CCDC192: variants seen among roughly 807,000 people sequenced by gnomAD.
CCDC192 encodes coiled-coil domain containing 192, also known as coiled-coil domain-containing protein 192.
intron 6 of CCDC192, among the ~76,000 whole-genome samples, chr5:127,904,580 G>A (rs1753146730): frequency 6.8e-6 from 1 of 146,620 alleles, no homozygotes; most frequent in Non-Finnish European, 1.5e-5. Flanking sequence ...TCGGCTCACT[G>A]CAGCCTCCAC....
intron 3 of CCDC192, among the ~76,000 whole-genome samples, chr5:127,766,954 C>T (rs772244723): frequency 6.6e-6 from 1 of 152,162 alleles, no homozygotes; most frequent in Non-Finnish European, 1.5e-5. Context: ...ATTTCCTAAC[C>T]TCAAGGACTT....
intron 6 of CCDC192, among the ~76,000 whole-genome samples, chr5:127,905,010 G>T (rs1254645253): frequency 6.6e-6 from 1 of 152,072 alleles, no homozygotes; most frequent in Non-Finnish European, 1.5e-5. Flanking sequence ...GAAGACTCAT[G>T]TTGAGGTAGT....
At chr5:127,754,701 A>G (rs958580084) in intron 3 of CCDC192, among the ~76,000 whole-genome samples, 1 of 152,252 alleles carries the variant, frequency 6.6e-6, no homozygotes, top group African/African-American at 2.4e-5. Flanking sequence ...ATCTTCCTGA[A>G]TAAGCAAAGC....
At chr5:127,790,428 C>T (rs1226745133) in intron 3 of CCDC192, among the ~76,000 whole-genome samples, 1 of 152,098 alleles carries the variant, frequency 6.6e-6, no homozygotes, top group African/African-American at 2.4e-5. Context: ...ATCGGGACAT[C>T]CAACACTCAA....
intron 5 of CCDC192, among the ~76,000 whole-genome samples, chr5:127,850,084 AT>A (rs1750729103): frequency 1.3e-5 from 2 of 152,190 alleles, no homozygotes; most frequent in Non-Finnish European, 2.9e-5. Context: ...GGCCGTAGGG[AT>A]TATAGAGCTT....
At chr5:127,901,746 G>A (rs1580810457) in intron 6 of CCDC192, among the ~76,000 whole-genome samples, 1 of 152,106 alleles carries the variant, frequency 6.6e-6, no homozygotes, top group East Asian at 1.9e-4. Flanking sequence ...ATATTTTAAA[G>A]GCTGCTGGTC....
chr5:127,884,627 A>G (rs1221002018), intron 6 of CCDC192, among the ~76,000 whole-genome samples: 2 of 152,122 alleles, frequency 1.3e-5, no homozygotes, highest in African/African-American at 2.4e-5. Flanking sequence ...GCAATGGGAT[A>G]TTATCCTGGA....
chr5:127,817,689 C>T (rs2127012874), intron 5 of CCDC192, among the ~76,000 whole-genome samples: 1 of 152,210 alleles, frequency 6.6e-6, no homozygotes, highest in South Asian at 2.1e-4. Flanking sequence ...GTTCTGGACT[C>T]CGTAGTGATA....
intron 6 of CCDC192, among the ~76,000 whole-genome samples, chr5:127,882,155 C>A (rs1238420338): frequency 6.6e-6 from 1 of 152,168 alleles, no homozygotes; most frequent in East Asian, 1.9e-4. Flanking sequence ...CTGAATCGAG[C>A]CAGCTACACT....
At chr5:127,767,920 G>A (rs1755322462) in intron 3 of CCDC192, among the ~76,000 whole-genome samples, 1 of 152,122 alleles carries the variant, frequency 6.6e-6, no homozygotes, top group South Asian at 2.1e-4. Context: ...CCTAGAACAT[G>A]ACTTTATCTT....
chr5:127,732,352 G>A (rs1261923636), intron 2 of CCDC192, among the ~76,000 whole-genome samples: 1 of 152,110 alleles, frequency 6.6e-6, no homozygotes, highest in Non-Finnish European at 1.5e-5. Context: ...AACAGATGCT[G>A]GCAATGCTAT....
chr5:127,851,354 C>T (rs1269130834), intron 5 of CCDC192, among the ~76,000 whole-genome samples: 1 of 152,208 alleles, frequency 6.6e-6, no homozygotes, highest in Non-Finnish European at 1.5e-5. Flanking sequence ...CAAGTCCTCT[C>T]CCACTATCTC....
At chr5:127,826,790 T>C (rs944767995) in intron 5 of CCDC192, among the ~76,000 whole-genome samples, 1 of 151,392 alleles carries the variant, frequency 6.6e-6, no homozygotes, top group African/African-American at 2.4e-5. Context: ...AAATAAAAGT[T>C]GAAAAAAATA....
At chr5:127,725,874 GAT>G (rs1435001475) in intron 2 of CCDC192, among the ~76,000 whole-genome samples, 2 of 152,126 alleles carry the variant, frequency 1.3e-5, no homozygotes, top group African/African-American at 4.8e-5. Flanking sequence ...CTTGAAAGAT[GAT>G]GCAATACTTT....
chr5:127,838,432 A>G (rs748393571), intron 5 of CCDC192: 3 of 152,198 alleles, frequency 2.0e-5, no homozygotes, highest in Admixed American at 1.3e-4. Flanking sequence ...AATTTTCAAG[A>G]TGCATTTTAA....
intron 2 of CCDC192, among the ~76,000 whole-genome samples, chr5:127,748,566 G>A (rs1409852882): frequency 6.9e-6 from 1 of 144,820 alleles, no homozygotes; most frequent in Non-Finnish European, 1.5e-5. Context: ...TGTTCTTTTG[G>A]CTTAGGATTG....
intron 6 of CCDC192, among the ~76,000 whole-genome samples, chr5:127,908,011 G>C (rs980338558): frequency 1.3e-5 from 2 of 152,208 alleles, no homozygotes; most frequent in Non-Finnish European, 2.9e-5. Context: ...CCTACTCAGG[G>C]TTGGTACTTT....
At chr5:127,749,147 A>G (rs570606768) in intron 2 of CCDC192, among the ~76,000 whole-genome samples, 1 of 151,880 alleles carries the variant, frequency 6.6e-6, no homozygotes. Context: ...TTCCAACACT[A>G]TGTTGAATAG....
chr5:127,827,763 G>C (rs1749597339), intron 5 of CCDC192, among the ~76,000 whole-genome samples: 1 of 152,118 alleles, frequency 6.6e-6, no homozygotes, highest in Non-Finnish European at 1.5e-5. Context: ...CCTTCAACTT[G>C]ATCATTTGGT....
Sources: allele counts gnomAD v4.1 joint callset (sites outside exome capture counted in the v4.1 genomes callset), GRCh38; gene constraint gnomAD v4.1.1; transcripts MANE v1.5; gene names NCBI Gene and HGNC (gene_info 2026-07-23, HGNC 2026-07-21).